ARHGAP24: variants seen among roughly 807,000 people sequenced by gnomAD.
ARHGAP24 encodes Rho GTPase activating protein 24, also known as rho GTPase-activating protein 24.
In ARHGAP24, 50 loss-of-function variants were observed where a neutral mutation model predicts 76.4. The ratio of observed to expected loss-of-function variants is 0.65; its 90% CI spans 0.52 to 0.83. The LOEUF (loss-of-function observed/expected upper bound fraction) is 0.83. Among genes scored for constraint, ARHGAP24 ranks in the 40% least tolerant of loss-of-function variants. The probability of loss-of-function intolerance (pLI) is 0.00; values close to 1 mark genes in which losing one functional copy is unlikely to be tolerated. For synonymous variants in ARHGAP24, 345 were observed against 323.3 expected (o/e 1.07, Z -0.72); for missense variants, 930 against 914.2 (o/e 1.02, Z -0.22).
intron 2 of ARHGAP24, among the ~76,000 whole-genome samples, chr4:85,706,741 T>C (rs1724323314): frequency 6.6e-6 from 1 of 151,420 alleles, no homozygotes; most frequent in African/African-American, 2.4e-5. Flanking sequence ...AATTTTTGTA[T>C]TTTTAGTAGA....
At chr4:85,898,390 A>G (rs1734314733) in intron 3 of ARHGAP24, among the ~76,000 whole-genome samples, 1 of 152,102 alleles carries the variant, frequency 6.6e-6, no homozygotes, top group Non-Finnish European at 1.5e-5. Context: ...TGCCTAAACT[A>G]GGGTGCATAC....
chr4:85,816,610 A>G (rs1398176025), intron 3 of ARHGAP24, among the ~76,000 whole-genome samples: 2 of 152,210 alleles, frequency 1.3e-5, no homozygotes, highest in African/African-American at 2.4e-5. Flanking sequence ...AAAGCAAATA[A>G]CTATGATCGT....
chr4:85,536,316 A>G (rs1447408238), intron 1 of ARHGAP24, among the ~76,000 whole-genome samples: 1 of 152,142 alleles, frequency 6.6e-6, no homozygotes, highest in East Asian at 1.9e-4. Flanking sequence ...GTCAAAAACC[A>G]CTTCTGTGAG....
chr4:85,852,335 G>A (rs1437324900), intron 3 of ARHGAP24, among the ~76,000 whole-genome samples: 3 of 152,138 alleles, frequency 2.0e-5, no homozygotes, highest in Admixed American at 6.5e-5. Context: ...GGTTACTCTA[G>A]TTAGCCTTTT....
At chr4:85,857,524 C>T (rs77664240) in intron 3 of ARHGAP24, among the ~76,000 whole-genome samples, 6,299 of 152,074 alleles carry the variant, frequency 0.041, 449 homozygotes, top group African/African-American at 0.14. Flanking sequence ...TTCCCCCAAC[C>T]CATTTATTTT....
chr4:85,493,462 A>G (rs1227232666), intron 1 of ARHGAP24, among the ~76,000 whole-genome samples: 1 of 152,144 alleles, frequency 6.6e-6, no homozygotes, highest in African/African-American at 2.4e-5. Flanking sequence ...TCAATTATTT[A>G]TGTATATCAG....
At chr4:85,633,077 C>T (rs919036105) in intron 2 of ARHGAP24, among the ~76,000 whole-genome samples, 2 of 151,788 alleles carry the variant, frequency 1.3e-5, no homozygotes, top group African/African-American at 4.8e-5. Context: ...TATTAAAATG[C>T]TTGGTGTATA....
chr4:86,001,389 AACTTTGAG>A lies in ARHGAP24; in HGVS notation c.*671_*678del, dbSNP rs1741009474. 5.0e-6 allele frequency: 2 copies of A among 399,024 alleles called. No individual in the cohort carries two copies. Among genetic ancestry groups the A allele is most frequent in the East Asian group, 7.1e-5 (2 of 28,070 alleles). The allele number at this position is 399,024 out of a possible 1,614,324, so 24.7% of individuals were successfully genotyped here. ...CTTTTGCGAGGCGATTTGACATAGG[AACTTTGAG>A]ACTCCATGAGAAAGTCCCTTTCTGA... On this transcript the variant is annotated 3_prime_UTR_variant, in exon 10 of 10. Transcript: ENST00000395184.
intron 3 of ARHGAP24, among the ~76,000 whole-genome samples, chr4:85,879,345 T>G (rs1419474904): frequency 6.6e-6 from 1 of 152,184 alleles, no homozygotes; most frequent in Non-Finnish European, 1.5e-5. Flanking sequence ...ATCCTGGAGA[T>G]GTACTCTGAT....
At chr4:85,771,440 A>T (rs1462739471) in intron 3 of ARHGAP24, among the ~76,000 whole-genome samples, 1 of 152,200 alleles carries the variant, frequency 6.6e-6, no homozygotes, top group Non-Finnish European at 1.5e-5. Context: ...TGTTCTATTC[A>T]TGTCCTCGGC....
intron 8 of ARHGAP24, among the ~76,000 whole-genome samples, chr4:85,981,023 A>G (rs1739630483): frequency 6.6e-6 from 1 of 152,234 alleles, no homozygotes; most frequent in South Asian, 2.1e-4. Context: ...ATTGCATTAA[A>G]TATACGACCT....
chr4:85,995,183 C>T lies in ARHGAP24; in HGVS notation c.1529C>T (p.Thr510Ile), dbSNP rs771325010. Residue 510 changes from threonine (T) to isoleucine (I), a missense_variant, in exon 9 of 10, where the codon ACC becomes ATC. Physicochemically the swap from Thr to Ile is moderately conservative, Grantham distance 89. Coordinates refer to ENST00000395184, the MANE Select transcript of ARHGAP24 (RefSeq NM_001025616.3). The part of the protein sequence containing the change: ...NMSWLPNGYV[T>I]LRDNKQKEQA... ...AGCTGGCTGCCAAATGGCTATGTGA[C>T]CCTGAGGGATAACAAGCAGAAAGAA... 6.2e-7 allele frequency: 1 copy of T among 1,614,000 alleles called. No homozygotes were observed. Among genetic ancestry groups the T allele is most frequent in the Non-Finnish European group, 8.5e-7 (1 of 1,180,004 alleles).
intron 2 of ARHGAP24, among the ~76,000 whole-genome samples, chr4:85,712,830 G>A (rs183586620): frequency 3.9e-5 from 6 of 152,224 alleles, no homozygotes; most frequent in Non-Finnish European, 7.4e-5. Flanking sequence ...TCCAGGTTTC[G>A]GGGATTAAGA....
intron 3 of ARHGAP24, among the ~76,000 whole-genome samples, chr4:85,788,849 C>T (rs9991970): frequency 0.26 from 39,682 of 152,046 alleles, 5,469 homozygotes; most frequent in African/African-American, 0.31. Context: ...AAGTAACACC[C>T]GTTCTAAGAT....
At chr4:85,702,412 TAGC>T (rs1485128878) in intron 2 of ARHGAP24, among the ~76,000 whole-genome samples, 2 of 152,220 alleles carry the variant, frequency 1.3e-5, no homozygotes, top group South Asian at 2.1e-4. Flanking sequence ...GGTTATTTAT[TAGC>T]AGCATAGCAA....
intron 2 of ARHGAP24, among the ~76,000 whole-genome samples, chr4:85,613,337 A>G (rs1020191772): frequency 2.6e-5 from 4 of 152,186 alleles, no homozygotes; most frequent in Non-Finnish European, 5.9e-5. Flanking sequence ...TAACTGCTAT[A>G]TAATATTCCA....
At chr4:85,975,594 A>G (rs1739272245) in intron 7 of ARHGAP24, 1 of 152,612 alleles carries the variant, frequency 6.6e-6, no homozygotes, top group Non-Finnish European at 1.5e-5. Context: ...ATAACTCAAG[A>G]CCTGGGATGG....
At position 85,822,817 on chromosome 4, in the gene ARHGAP24, C is replaced by T. The variant is rs150131921; in HGVS notation, c.269-100831C>T. 9.5e-3 allele frequency among the ~76,000 whole-genome samples: 1,443 copies of T among 152,244 alleles called. 27 individuals carry two copies. The highest frequency in any genetic ancestry group is 0.033 in the African/African-American group (1,351 of 41,534). Reference sequence around the variant, plus strand: ...TTGCTCCTGCACACACATACACACACCTGCCATATTCCCTGTATCACTTTT... The same window carrying T: ...TTGCTCCTGCACACACATACACACATCTGCCATATTCCCTGTATCACTTTT... On this transcript the variant is annotated intron_variant, in intron 3 of 9. Transcript: ENST00000395184.
chr4:85,877,764 G>C (rs1263216813), intron 3 of ARHGAP24, among the ~76,000 whole-genome samples: 1 of 151,984 alleles, frequency 6.6e-6, no homozygotes, highest in Non-Finnish European at 1.5e-5. Context: ...AACTGTTTAA[G>C]AAAACTTACT....
Sources: allele counts gnomAD v4.1 joint callset (sites outside exome capture counted in the v4.1 genomes callset), GRCh38; gene constraint gnomAD v4.1.1; transcripts MANE v1.5; gene names NCBI Gene and HGNC (gene_info 2026-07-23, HGNC 2026-07-21).